DOCK8: variants seen among roughly 807,000 people sequenced by gnomAD.
DOCK8 encodes dedicator of cytokinesis 8.
Under a neutral mutation model 245.6 loss-of-function variants are expected in DOCK8, and 141 were observed. That is an observed-to-expected ratio of 0.57 (90% CI 0.50 to 0.66). DOCK8 has a LOEUF of 0.66. DOCK8 is among the 30% of genes least tolerant of loss of function. The pLI, the probability that DOCK8 is intolerant of heterozygous loss-of-function variation, is 0.00. For synonymous variants in DOCK8, 1,168 were observed against 970.2 expected, an observed-to-expected ratio of 1.20 and a Z score of -3.79; for missense variants, 2,965 against 2,603.4, an observed-to-expected ratio of 1.14 and a Z score of -3.02.
chr9:305,674 A>T (rs190794735), intron 5 of DOCK8, among the ~76,000 whole-genome samples: 74 of 152,340 alleles, frequency 4.9e-4, no homozygotes, highest in African/African-American at 1.7e-3. Context: ...CTATTCTGTA[A>T]CTAATTTTTT....
chr9:407,248 C>G lies in DOCK8; in HGVS notation c.3530+179C>G, dbSNP rs73639211. Among the ~76,000 whole-genome samples, 24,233 of 152,066 alleles carry G rather than the reference C, an allele frequency of 0.16. 2,044 individuals carry two copies. The highest frequency in any genetic ancestry group is 0.2 in the African/African-American group (8,370 of 41,446). On this transcript the variant is annotated intron_variant, in intron 28 of 47. Coordinates refer to ENST00000432829, the MANE Select transcript of DOCK8 (RefSeq NM_203447.4). ...CATAAGCACAAGGCACAAGAAAGGC[C>G]TTTCTTGTGTAGAAAGGCACCAGGG...
chr9:338,566 A>G (rs868692560), intron 12 of DOCK8, among the ~76,000 whole-genome samples: 23 of 152,366 alleles, frequency 1.5e-4, no homozygotes, highest in Middle Eastern at 6.8e-3. Context: ...GGGGGTGGAC[A>G]GCATTTATAC....
intron 14 of DOCK8, among the ~76,000 whole-genome samples, chr9:363,722 G>A (rs2052843229): frequency 6.6e-6 from 1 of 152,104 alleles, no homozygotes; most frequent in Non-Finnish European, 1.5e-5. Context: ...CTGTGTGCTC[G>A]GTGGGGAGTG....
At chr9:382,210 C>A (rs1350927308) in intron 21 of DOCK8, among the ~76,000 whole-genome samples, 1 of 152,100 alleles carries the variant, frequency 6.6e-6, no homozygotes, top group Non-Finnish European at 1.5e-5. Flanking sequence ...GAAGCTCTAG[C>A]AACCCTGGGG....
chr9:436,236 G>C (rs555167537), intron 39 of DOCK8, among the ~76,000 whole-genome samples: 2 of 152,234 alleles, frequency 1.3e-5, no homozygotes, highest in African/African-American at 4.8e-5. Flanking sequence ...TTCATGCTTG[G>C]CAAATGAATT....
chr9:433,180 GTAT>G (rs2056778055), intron 37 of DOCK8, among the ~76,000 whole-genome samples: 2 of 152,078 alleles, frequency 1.3e-5, no homozygotes, highest in Admixed American at 1.3e-4. Context: ...TTATATAGAG[GTAT>G]TCACCAACAA....
rs551755349 is a variant in DOCK8 at position 442,124 on chromosome 9, A to G, written c.5490+115A>G. On this transcript the variant is annotated intron_variant, in intron 42 of 47. Coordinates refer to ENST00000432829, the MANE Select transcript of DOCK8 (RefSeq NM_203447.4). ...TTATGGATTCATCATTGATCTCTAC[A>G]TAAAGTTTTCCCCTTTGCATTTATA... The G allele has an allele frequency of 1.3e-5, 19 of 1,457,568 alleles. No homozygotes were observed. In the East Asian group the frequency reaches 2.8e-4, roughly 22 times the overall value. The allele number at this position is 1,457,568 out of a possible 1,614,324, so 90.3% of individuals were successfully genotyped here. A position where few individuals can be genotyped will look rare whatever the true frequency, so the allele number is the denominator to read the frequency against.
At chr9:217,578 T>C (rs2046786862) in intron 1 of DOCK8, among the ~76,000 whole-genome samples, 1 of 152,212 alleles carries the variant, frequency 6.6e-6, no homozygotes, top group Admixed American at 6.5e-5. Flanking sequence ...TCTGTTTTCC[T>C]TTTTGAAGCA....
At chr9:215,250 G>A (rs527685178) in intron 1 of DOCK8, 17 of 1,592,716 alleles carry the variant, frequency 1.1e-5, no homozygotes, top group African/African-American at 9.5e-5. Context: ...CAAGAATCTC[G>A]GTGCTCCTGG....
In DOCK8 at chr9:271,651, A is replaced by C. The variant is rs369163495; in HGVS notation, c.78A>C (p.Lys26Asn). 1.3e-6 allele frequency: 2 copies of C among 1,551,134 alleles called. No homozygotes were observed. The highest frequency in any genetic ancestry group is 1.4e-5 in the African/African-American group (1 of 73,028). Residue 26 changes from lysine (K) to asparagine (N), a missense_variant, in exon 2 of 48, where the codon AAA becomes AAC. Lys to Asn is a moderately conservative substitution (Grantham distance 94). Transcript: ENST00000432829. ...GGTATTCTTCAGCGGAAATAAGGAA[A>C]CAGTTTACTCTCCCACCAAACCTTG... ...INRYSSAEIR[K>N]QFTLPPNLGQ... is the part of the protein sequence containing the mutation.
chr9:452,222 G>C lies in DOCK8; in HGVS notation c.6068+105G>C, dbSNP rs2057491336. 36 of 754,590 alleles carry C rather than the reference G, an allele frequency of 4.8e-5. No homozygotes were observed. The South Asian group carries it at 4.8e-4, about 10-fold the overall frequency. The allele number at this position is 754,590 out of a possible 1,614,324, so 46.7% of individuals were successfully genotyped here. A position where few individuals can be genotyped will look rare whatever the true frequency, so the allele number is the denominator to read the frequency against. ...CCTGAGAACTTGCTAGAAAGACAAA[G>C]TCTCAGGCACCCTCCAGACCTGCTG... On this transcript the variant is annotated intron_variant, in intron 46 of 47. Coordinates refer to ENST00000432829, the MANE Select transcript of DOCK8 (RefSeq NM_203447.4).
chr9:277,295 C>T (rs1022565885), intron 2 of DOCK8, among the ~76,000 whole-genome samples: 2 of 151,832 alleles, frequency 1.3e-5, no homozygotes, highest in African/African-American at 4.9e-5. Flanking sequence ...CATGGTGGCA[C>T]ATGCCTTTAG....
At chr9:248,374 C>G (rs949167884) in intron 1 of DOCK8, among the ~76,000 whole-genome samples, 1 of 152,176 alleles carries the variant, frequency 6.6e-6, no homozygotes, top group Admixed American at 6.6e-5. Flanking sequence ...ACCTTCCTTG[C>G]TTTCAAAGGA....
At chr9:425,452 A>T (rs891991747) in intron 33 of DOCK8, among the ~76,000 whole-genome samples, 3 of 151,510 alleles carry the variant, frequency 2.0e-5, no homozygotes, top group Non-Finnish European at 2.9e-5. Context: ...GAATGGCGTG[A>T]ACCCGGGAAG....
At chr9:452,236 C>T (rs2131888857) in intron 46 of DOCK8, 119 bp downstream of exon 46, 2 of 684,548 alleles carry the variant, frequency 2.9e-6, no homozygotes, top group Admixed American at 2.1e-5. Context: ...CAGGCACCCT[C>T]CAGACCTGCT....
At chr9:409,616 T>A (rs1392004351) in intron 28 of DOCK8, among the ~76,000 whole-genome samples, 2 of 152,144 alleles carry the variant, frequency 1.3e-5, no homozygotes, top group Non-Finnish European at 2.9e-5. Flanking sequence ...AGTTCTAGGG[T>A]ACATGTATAC....
intron 1 of DOCK8, among the ~76,000 whole-genome samples, chr9:221,066 T>G (rs1335874941): frequency 1.3e-5 from 2 of 152,152 alleles, no homozygotes; most frequent in Non-Finnish European, 2.9e-5. Flanking sequence ...ATTTGCTGTA[T>G]CGACAACAGT....
chr9:413,274 C>A (rs1017026154), intron 28 of DOCK8, among the ~76,000 whole-genome samples: 1 of 151,868 alleles, frequency 6.6e-6, no homozygotes, highest in African/African-American at 2.4e-5. Context: ...GATCAAAGAC[C>A]TAAATGTAAG....
chr9:318,376 G>A (rs1225403626), intron 7 of DOCK8, among the ~76,000 whole-genome samples: 2 of 152,180 alleles, frequency 1.3e-5, no homozygotes, highest in African/African-American at 4.8e-5. Flanking sequence ...CTGGATGTAA[G>A]GCTGGGTTTC....
Sources: allele counts gnomAD v4.1 joint callset (sites outside exome capture counted in the v4.1 genomes callset), GRCh38; gene constraint gnomAD v4.1.1; transcripts MANE v1.5; gene names NCBI Gene and HGNC (gene_info 2026-07-23, HGNC 2026-07-21).